HIGD1A: variants seen among roughly 807,000 people sequenced by gnomAD.
HIGD1A encodes the protein HIG1 domain family member 1A, mitochondrial.
HIGD1A carries 8 observed loss-of-function variants against 11.3 expected under a neutral mutation model. The ratio of observed to expected loss-of-function variants is 0.71; its 90% CI spans 0.42 to 1.28. The LOEUF is 1.28. HIGD1A is among the 50% of genes most tolerant of loss of function. HIGD1A has a pLI of 0.01. For synonymous variants in HIGD1A, 32 were observed against 38.4 expected, an observed-to-expected ratio of 0.83 and a Z score of 0.62; for missense variants, 107 against 118.8, an observed-to-expected ratio of 0.90 and a Z score of 0.46.
intron 1 of HIGD1A, chr3:42,804,062 C>T (rs779899718): frequency 5.1e-6 from 6 of 1,182,076 alleles, no homozygotes; most frequent in Admixed American, 2.1e-5. Flanking sequence ...TTCCAAGCTC[C>T]GGGGAAGCTC....
intron 1 of HIGD1A, 161 bp downstream of exon 1, chr3:42,804,275 G>T: frequency 7.0e-7 from 1 of 1,435,536 alleles, no homozygotes; most frequent in Non-Finnish European, 9.6e-7. Context: ...GCTCGAGGCC[G>T]GGCCTGAGCC....
chr3:42,804,161 C>T, intron 1 of HIGD1A: 1 of 1,610,012 alleles, frequency 6.2e-7, no homozygotes, highest in Non-Finnish European at 8.5e-7. Context: ...CTTCCCCGCT[C>T]GGCAACTCAC....
intron 1 of HIGD1A, among the ~76,000 whole-genome samples, chr3:42,802,885 A>C (rs1402736029): frequency 2.0e-5 from 3 of 152,260 alleles, no homozygotes; most frequent in African/African-American, 7.2e-5. Context: ...TTAAATTGGC[A>C]GATAAGAATT....
chr3:42,800,831 TA>T (rs35928474), intron 1 of HIGD1A, among the ~76,000 whole-genome samples: 454 of 144,320 alleles, frequency 3.1e-3, no homozygotes, highest in Middle Eastern at 7.0e-3. Flanking sequence ...CCCGGTCCTT[TA>T]AAAAAAAAAA....
At position 42,794,150 on chromosome 3, in the gene HIGD1A, A is replaced by C; in HGVS notation, c.97+7T>G. On this transcript the variant is annotated splice_region_variant and intron_variant, in intron 2 of 3. Coordinates refer to ENST00000321331, the MANE Select transcript of HIGD1A (RefSeq NM_014056.4). ...TTCAAGACTACTAAAATGTCAGTCAAACTTACCAACGGGTACGAATGGTGC... is the reference window on the plus strand; with the variant it reads ...TTCAAGACTACTAAAATGTCAGTCACACTTACCAACGGGTACGAATGGTGC... The C allele has an allele frequency of 6.3e-7, 1 of 1,599,434 alleles. No homozygotes were observed. The highest frequency in any genetic ancestry group is 8.5e-7 in the Non-Finnish European group (1 of 1,176,010).
At chr3:42,796,109 G>A (rs2125593319) in intron 1 of HIGD1A, among the ~76,000 whole-genome samples, 1 of 152,268 alleles carries the variant, frequency 6.6e-6, no homozygotes, top group Middle Eastern at 3.4e-3. Flanking sequence ...GGAGTCAGTG[G>A]CAGTTAAGGT....
intron 3 of HIGD1A, 78 bp downstream of exon 3, chr3:42,785,949 TA>T: frequency 7.4e-7 from 1 of 1,348,964 alleles, no homozygotes; most frequent in Non-Finnish European, 1.1e-6. Flanking sequence ...AAAGGTCAGC[TA>T]AAAATATTTA....
chr3:42,800,317 ACT>A (rs920964636), intron 1 of HIGD1A, among the ~76,000 whole-genome samples: 56 of 151,656 alleles, frequency 3.7e-4, no homozygotes, highest in African/African-American at 1.3e-3. Flanking sequence ...CCACAGAGAG[ACT>A]CTGTCTCAAA....
At chr3:42,789,501 C>CAA (rs11291677) in intron 2 of HIGD1A, among the ~76,000 whole-genome samples, 2 of 127,462 alleles carry the variant, frequency 1.6e-5, no homozygotes, top group African/African-American at 2.9e-5. Context: ...CCTGTGTCTA[C>CAA]AAAAAAAAAA....
chr3:42,794,454 G>C (rs574660359), intron 1 of HIGD1A, among the ~76,000 whole-genome samples, 179 bp from the exon 2 acceptor site: 2 of 152,238 alleles, frequency 1.3e-5, no homozygotes, highest in East Asian at 3.9e-4. Flanking sequence ...TCACTCTCAA[G>C]GGAGAGTTGT....
At chr3:42,804,258 C>A (rs569202416) in intron 1 of HIGD1A, 178 bp downstream of exon 1, 2 of 1,554,540 alleles carry the variant, frequency 1.3e-6, no homozygotes, top group East Asian at 2.3e-5. Flanking sequence ...TCCTCTCATC[C>A]GCCCATGCTC....
In HIGD1A at chr3:42,785,102, G is replaced by T; in HGVS notation, c.*169C>A. 1.9e-6 allele frequency: 1 copy of T among 535,770 alleles called. No homozygotes were observed. The highest frequency in any genetic ancestry group is 3.0e-5 in the East Asian group (1 of 33,710). 33.2% of individuals were successfully genotyped at this position (535,770 alleles called of 1,614,324 possible). A position where few individuals can be genotyped will look rare whatever the true frequency, so the allele number is the denominator to read the frequency against. ...TAGTAAACTAGTCACTAGTAATTCG[G>T]TCACCAAGCAAATCAAGCCTGCAAG... On this transcript the variant is annotated 3_prime_UTR_variant, in exon 4 of 4. Transcript: ENST00000321331.
At chr3:42,789,188 G>A (rs535214788) in intron 2 of HIGD1A, among the ~76,000 whole-genome samples, 1 of 151,868 alleles carries the variant, frequency 6.6e-6, no homozygotes, top group East Asian at 2.0e-4. Context: ...TTACAGGAAT[G>A]TGCCAACCAC....
intron 2 of HIGD1A, among the ~76,000 whole-genome samples, chr3:42,792,184 A>C (rs1422390415): frequency 6.6e-6 from 1 of 152,182 alleles, no homozygotes; most frequent in African/African-American, 2.4e-5. Flanking sequence ...CTAACTTATT[A>C]ATTATATGGT....
chr3:42,792,318 G>A (rs998212213), intron 2 of HIGD1A, among the ~76,000 whole-genome samples: 5 of 152,148 alleles, frequency 3.3e-5, no homozygotes, highest in African/African-American at 1.2e-4. Context: ...TTTCTACCAA[G>A]AGGATTATAA....
At chr3:42,804,380 T>G in intron 1 of HIGD1A, 56 bp downstream of exon 1, 8 of 535,294 alleles carry the variant, frequency 1.5e-5, no homozygotes, top group Non-Finnish European at 2.6e-5. Flanking sequence ...GCCCCACTTC[T>G]TCCCGCCCCG....
rs1700310171 is a variant in HIGD1A at position 42,783,719 on chromosome 3, GGCTTAAATATT to G, written c.*1541_*1551del. On this transcript the variant is annotated 3_prime_UTR_variant, in exon 4 of 4. Transcript: ENST00000321331. ...GAGGAGGGAAGGAAGAAATATGCTAGGCTTAAATATTGCTCAAAAGGAATTATTGGTGACTG... is the reference window on the plus strand; with the variant it reads ...GAGGAGGGAAGGAAGAAATATGCTAGGCTCAAAAGGAATTATTGGTGACTG... Among the ~76,000 whole-genome samples the G allele has an allele frequency of 6.6e-6, 1 of 152,126 alleles. No individual in the cohort carries two copies. Among genetic ancestry groups the G allele is most frequent in the African/African-American group, 2.4e-5 (1 of 41,434 alleles).
intron 1 of HIGD1A, 21 bp from the exon 2 acceptor site, chr3:42,794,296 G>C (rs559241688): frequency 1.3e-6 from 2 of 1,546,076 alleles, no homozygotes; most frequent in African/African-American, 2.8e-5. Flanking sequence ...ATTTCTATGA[G>C]GTTCTGTAAT....
At chr3:42,799,839 T>C (rs1028253750) in intron 1 of HIGD1A, among the ~76,000 whole-genome samples, 2 of 152,184 alleles carry the variant, frequency 1.3e-5, no homozygotes, top group African/African-American at 2.4e-5. Context: ...GTGTAATTAG[T>C]TGTCAAAAGC....
Sources: gnomAD v4.1 joint callset for allele counts (sites outside exome capture counted in the v4.1 genomes callset) on GRCh38, gnomAD v4.1.1 for gene constraint, MANE v1.5 for transcripts, NCBI Gene and HGNC (gene_info 2026-07-23, HGNC 2026-07-21) for gene names.